The following PCSK6 variants were observed in gnomAD, a reference collection of about 807,000 sequenced individuals.
PCSK6 encodes the protein paired basic amino acid cleaving enzyme 4.
In PCSK6, 85 loss-of-function variants were observed where a neutral mutation model predicts 123.3. The ratio of observed to expected loss-of-function variants is 0.69; its 90% CI spans 0.58 to 0.83. The LOEUF (loss-of-function observed/expected upper bound fraction) is 0.83. PCSK6 is among the 40% of genes least tolerant of loss of function. The pLI is 0.00. For synonymous variants in PCSK6, 508 were observed against 516.0 expected, an observed-to-expected ratio of 0.98 and a Z score of 0.21; for missense variants, 1,191 against 1,282.3, an observed-to-expected ratio of 0.93 and a Z score of 1.09.
At chr15:101,443,460 T>A in intron 2 of PCSK6, 96 bp downstream of exon 2, 1 of 810,538 alleles carries the variant, frequency 1.2e-6, no homozygotes, top group Non-Finnish European at 2.1e-6. Context: ...AAAACTCATG[T>A]CTATCCAGAA....
At position 101,486,734 on chromosome 15, in the gene PCSK6, T is replaced by C. The variant is rs375292378; in HGVS notation, c.297+2640A>G. ...ATGTGAAATAAACTGAATCCAGTTA[T>C]TAGTTGTATGGAAGAAAGTAAAACA... is the stretch of plus-strand genomic sequence containing the variant. On this transcript the variant is annotated intron_variant, in intron 1 of 21. Coordinates refer to ENST00000611716, the MANE Select transcript of PCSK6 (RefSeq NM_002570.5). Among the ~76,000 whole-genome samples the C allele has an allele frequency of 3.7e-4, 56 of 152,302 alleles. 2 individuals carry two copies. The East Asian group carries it at 4.6e-3, about 13-fold the overall frequency.
At chr15:101,366,688 C>T (rs1228095944) in intron 12 of PCSK6, among the ~76,000 whole-genome samples, 3 of 152,140 alleles carry the variant, frequency 2.0e-5, no homozygotes, top group Non-Finnish European at 4.4e-5. Context: ...TGGCTCCTTC[C>T]CACCCAGCAA....
Position 101,470,926 on chromosome 15 carries a change from C to T in PCSK6, c.297+18448G>A, listed in dbSNP as rs2057588387. Among the ~76,000 whole-genome samples the T allele has an allele frequency of 3.3e-5, 5 of 152,220 alleles. No individual in the cohort carries two copies. The South Asian group carries it at 1.0e-3, about 32-fold the overall frequency. On this transcript the variant is annotated intron_variant, in intron 1 of 21. Coordinates refer to ENST00000611716, the MANE Select transcript of PCSK6 (RefSeq NM_002570.5). ...AAAGTCAGCAATTCAAATTCTGAAACTAGAGAAACACTGCGGAGCAAGACC... is the reference window on the plus strand; with the variant it reads ...AAAGTCAGCAATTCAAATTCTGAAATTAGAGAAACACTGCGGAGCAAGACC...
In PCSK6 at chr15:101,475,525, G is replaced by A. The variant is rs565232058; in HGVS notation, c.297+13849C>T. On this transcript the variant is annotated intron_variant, in intron 1 of 21. Coordinates refer to ENST00000611716, the MANE Select transcript of PCSK6 (RefSeq NM_002570.5). ...TTTTGAGACAGGGTCTCGCTCTGTC[G>A]TCCAGGCTGGAGTGCGGTGATGTGG... 1.1e-3 allele frequency among the ~76,000 whole-genome samples: 161 copies of A among 152,108 alleles called. 7 individuals carry two copies. The South Asian group carries it at 0.026, about 25-fold the overall frequency.
intron 1 of PCSK6, among the ~76,000 whole-genome samples, chr15:101,461,932 T>C (rs2057349281): frequency 6.6e-6 from 1 of 152,214 alleles, no homozygotes. Flanking sequence ...CCAAAATCAA[T>C]GCTTTTATTC....
Position 101,325,007 on chromosome 15 carries a change from G to A in PCSK6, c.2220C>T (p.Asp740=). 1 of 1,612,066 alleles carries A rather than the reference G, an allele frequency of 6.2e-7. No homozygotes were observed. The highest frequency in any genetic ancestry group is 1.1e-5 in the South Asian group (1 of 91,066). ...ACCGGCGACAGCGTCTTGCTGCTGT[G>A]TCCCCAAAGTAGCCCAAGGGGCACA... The part of the protein sequence containing the change: ...VSVCPLGYFG[D]TAARRCRRCH... Residue 740 remains aspartate, a synonymous_variant, in exon 17 of 22, where the codon GAC becomes GAT. Transcript: ENST00000611716.
chr15:101,373,918 T>C (rs891958804), intron 11 of PCSK6, among the ~76,000 whole-genome samples: 2 of 152,166 alleles, frequency 1.3e-5, no homozygotes, highest in Non-Finnish European at 2.9e-5. Flanking sequence ...GATCTTAAAG[T>C]CCCCAAAGTA....
intron 20 of PCSK6, among the ~76,000 whole-genome samples, chr15:101,311,674 A>G (rs182735406): frequency 2.1e-5 from 2 of 97,080 alleles, no homozygotes; most frequent in African/African-American, 4.9e-5. Flanking sequence ...CTCACAGCCC[A>G]CCCCATCGTC....
intron 6 of PCSK6, among the ~76,000 whole-genome samples, chr15:101,405,715 T>C (rs1260960673): frequency 2.0e-5 from 3 of 151,728 alleles, no homozygotes; most frequent in Admixed American, 6.6e-5. Context: ...TTTTTTTCCG[T>C]AGTGACCTGT....
chr15:101,427,505 A>G (rs2056298553), intron 6 of PCSK6, among the ~76,000 whole-genome samples: 1 of 152,178 alleles, frequency 6.6e-6, no homozygotes, highest in African/African-American at 2.4e-5. Context: ...GTCAGAACCC[A>G]GGGAAAGCTC....
chr15:101,404,897 A>G (rs1457912429), intron 6 of PCSK6, among the ~76,000 whole-genome samples: 1 of 152,182 alleles, frequency 6.6e-6, no homozygotes, highest in Non-Finnish European at 1.5e-5. Context: ...ATAGGTGTTG[A>G]AATGCCTATT....
intron 1 of PCSK6, among the ~76,000 whole-genome samples, chr15:101,449,732 C>T (rs2056984398): frequency 6.6e-6 from 1 of 152,192 alleles, no homozygotes; most frequent in Non-Finnish European, 1.5e-5. Context: ...CTGAAATCCT[C>T]TGCGGGAGAA....
rs115999637 is a variant in PCSK6 at position 101,476,976 on chromosome 15, G to A, written c.297+12398C>T. ...GACCCAGGGCATGTGGGGCGGGGAAGCAGCGCAGTGGCAGAGCCTCTTCCA... is the reference window on the plus strand; with the variant it reads ...GACCCAGGGCATGTGGGGCGGGGAAACAGCGCAGTGGCAGAGCCTCTTCCA... On this transcript the variant is annotated intron_variant, in intron 1 of 21. Transcript: ENST00000611716. 6.0e-3 allele frequency among the ~76,000 whole-genome samples: 915 copies of A among 152,276 alleles called. 11 individuals carry two copies. The highest frequency in any genetic ancestry group is 0.018 in the African/African-American group (741 of 41,558).
intron 15 of PCSK6, among the ~76,000 whole-genome samples, chr15:101,328,948 C>T (rs915489020): frequency 6.6e-6 from 1 of 152,252 alleles, no homozygotes; most frequent in Non-Finnish European, 1.5e-5. Flanking sequence ...TCTGGTCCAG[C>T]TGCAGCTCAT....
intron 13 of PCSK6, among the ~76,000 whole-genome samples, chr15:101,353,667 C>A (rs1405840032): frequency 6.6e-6 from 1 of 152,124 alleles, no homozygotes; most frequent in Non-Finnish European, 1.5e-5. Flanking sequence ...CAAAAAAATC[C>A]AACCAGAAAT....
chr15:101,457,554 A>G (rs896892170), intron 1 of PCSK6, among the ~76,000 whole-genome samples: 3 of 152,256 alleles, frequency 2.0e-5, no homozygotes, highest in African/African-American at 7.2e-5. Context: ...ATTGCAATAA[A>G]GCTAGTTGCA....
chr15:101,489,396 T>C lies in PCSK6; in HGVS notation c.275A>G (p.His92Arg). Reference protein sequence around the residue: ...PAEADRVAAAHGYLNLGQIGN... With the variant: ...PAEADRVAAARGYLNLGQIGN... ...CACCTGGCCCAAGTTGAGGTACCCGTGCGCCGCCGCCACGCGGTCCGCCTC... is the reference window on the plus strand; with the variant it reads ...CACCTGGCCCAAGTTGAGGTACCCGCGCGCCGCCGCCACGCGGTCCGCCTC... The change falls in exon 1 of 22, where the codon CAC (histidine) becomes CGC (arginine). Residue 92 changes from histidine (H) to arginine (R), a missense_variant. Coordinates refer to ENST00000611716, the MANE Select transcript of PCSK6 (RefSeq NM_002570.5). 2 of 1,268,896 alleles carry C rather than the reference T, an allele frequency of 1.6e-6. No homozygotes were observed. Among genetic ancestry groups the C allele is most frequent in the Non-Finnish European group, 2.0e-6 (2 of 993,388 alleles). 78.6% of individuals were successfully genotyped at this position (1,268,896 alleles called of 1,614,324 possible).
At chr15:101,348,870 A>G (rs10152965) in intron 13 of PCSK6, among the ~76,000 whole-genome samples, 113,874 of 152,092 alleles carry the variant, frequency 0.75, 43,243 homozygotes, top group African/African-American at 0.88. Context: ...CCCGTTCAGG[A>G]GCTCCAGTGT....
chr15:101,372,440 G>A (rs1202677965), intron 11 of PCSK6, among the ~76,000 whole-genome samples: 2 of 152,192 alleles, frequency 1.3e-5, no homozygotes, highest in Non-Finnish European at 2.9e-5. Flanking sequence ...TTGAAAACAC[G>A]CTTTGCATGC....
Sources: allele counts gnomAD v4.1 joint callset (sites outside exome capture counted in the v4.1 genomes callset), GRCh38; gene constraint gnomAD v4.1.1; transcripts MANE v1.5; gene names NCBI Gene and HGNC (gene_info 2026-07-23, HGNC 2026-07-21).